The following CACNA2D1 variants were observed in gnomAD, a reference collection of about 807,000 sequenced individuals.
The protein encoded by CACNA2D1 is calcium voltage-gated channel auxiliary subunit alpha2delta 1.
A neutral mutation model predicts 171.5 loss-of-function variants in CACNA2D1; 53 were observed. The observed-to-expected ratio is 0.31, with a 90% CI of 0.25 to 0.39. The LOEUF (loss-of-function observed/expected upper bound fraction) is 0.39, where lower values mean the gene tolerates loss of function less well. Among genes scored for constraint, CACNA2D1 ranks in the 10% least tolerant of loss-of-function variants. The pLI is 1.00. For synonymous variants in CACNA2D1, 442 were observed against 443.1 expected (o/e 1.00, Z 0.03); for missense variants, 903 against 1,299.8 (o/e 0.69, Z 4.69).
At chr7:82,088,054 T>C (rs936581947) in intron 6 of CACNA2D1, among the ~76,000 whole-genome samples, 15 of 152,170 alleles carry the variant, frequency 9.9e-5, no homozygotes, top group East Asian at 1.9e-4. Context: ...TCTCTCTAAA[T>C]ATGTGGGTAG....
chr7:81,953,198 G>C (rs1351906118), intron 38 of CACNA2D1, among the ~76,000 whole-genome samples: 2 of 152,094 alleles, frequency 1.3e-5, no homozygotes, highest in Non-Finnish European at 2.9e-5. Context: ...TTTTGCAAAA[G>C]CTGTCTCACT....
At chr7:82,264,503 G>A (rs900032391) in intron 3 of CACNA2D1, among the ~76,000 whole-genome samples, 7 of 152,188 alleles carry the variant, frequency 4.6e-5, no homozygotes, top group African/African-American at 1.7e-4. Context: ...TATTGTGAGA[G>A]AGTAAAAGAA....
chr7:82,216,663 A>G (rs1417100506), intron 3 of CACNA2D1, among the ~76,000 whole-genome samples: 1 of 152,112 alleles, frequency 6.6e-6, no homozygotes, highest in Non-Finnish European at 1.5e-5. Flanking sequence ...GTTTGCTCCT[A>G]AGAAGGGTTC....
intron 1 of CACNA2D1, among the ~76,000 whole-genome samples, chr7:82,377,719 C>T (rs1307357348): frequency 6.6e-6 from 1 of 152,110 alleles, no homozygotes; most frequent in Non-Finnish European, 1.5e-5. Context: ...CATAAGGCCT[C>T]GACTGAAACG....
intron 1 of CACNA2D1, among the ~76,000 whole-genome samples, chr7:82,379,380 C>T (rs1823425808): frequency 6.6e-6 from 1 of 152,146 alleles, no homozygotes; most frequent in African/African-American, 2.4e-5. Flanking sequence ...CTTGATAAAT[C>T]ATAGAAGCAT....
chr7:82,007,313 G>T (rs1040025229), intron 16 of CACNA2D1, among the ~76,000 whole-genome samples: 3 of 152,088 alleles, frequency 2.0e-5, no homozygotes, highest in African/African-American at 7.2e-5. Flanking sequence ...TACAAACATC[G>T]CCATGCTTTT....
chr7:82,412,579 G>A (rs1226962490), intron 1 of CACNA2D1, among the ~76,000 whole-genome samples: 1 of 151,862 alleles, frequency 6.6e-6, no homozygotes, highest in Non-Finnish European at 1.5e-5. Context: ...CACTGTGCCC[G>A]GCCTAGTGCT....
At chr7:82,421,772 T>C (rs913455653) in intron 1 of CACNA2D1, among the ~76,000 whole-genome samples, 6 of 152,118 alleles carry the variant, frequency 3.9e-5, no homozygotes, top group Non-Finnish European at 5.9e-5. Context: ...ATTCACCATC[T>C]CATTGCAAAT....
At chr7:82,379,079 T>C (rs899315580) in intron 1 of CACNA2D1, among the ~76,000 whole-genome samples, 4 of 151,998 alleles carry the variant, frequency 2.6e-5, no homozygotes, top group East Asian at 3.9e-4. Flanking sequence ...CTCTGTTAAA[T>C]TGTGTTTTTT....
intron 3 of CACNA2D1, among the ~76,000 whole-genome samples, chr7:82,313,320 G>T (rs1375083876): frequency 6.6e-6 from 1 of 150,710 alleles, no homozygotes; most frequent in Non-Finnish European, 1.5e-5. Flanking sequence ...TTTTGAGACG[G>T]CTATTCAGAG....
At chr7:82,135,582 A>G (rs1791512967) in intron 5 of CACNA2D1, among the ~76,000 whole-genome samples, 1 of 152,162 alleles carries the variant, frequency 6.6e-6, no homozygotes, top group African/African-American at 2.4e-5. Context: ...TAAGTTGTGT[A>G]AAGTGGTTAG....
chr7:82,233,979 C>T (rs6467888), intron 3 of CACNA2D1, among the ~76,000 whole-genome samples: 136,838 of 152,068 alleles, frequency 0.9, 61,714 homozygotes, highest in East Asian at 1. Flanking sequence ...TAATTTAAAG[C>T]CTTATCACAA....
chr7:82,269,519 A>G (rs1396461743), intron 3 of CACNA2D1, among the ~76,000 whole-genome samples: 2 of 152,188 alleles, frequency 1.3e-5, no homozygotes, highest in Non-Finnish European at 2.9e-5. Context: ...GAGTCAGAGA[A>G]TATAGATGAG....
At chr7:82,420,312 G>C (rs1176064533) in intron 1 of CACNA2D1, among the ~76,000 whole-genome samples, 1 of 152,162 alleles carries the variant, frequency 6.6e-6, no homozygotes, top group Non-Finnish European at 1.5e-5. Flanking sequence ...TGCTGTGTCT[G>C]AATTTAGGAG....
rs188922070 is a variant in CACNA2D1 at position 82,100,524 on chromosome 7, C to T, written c.527-15624G>A. Among the ~76,000 whole-genome samples, 59 of 152,208 alleles carry T rather than the reference C, an allele frequency of 3.9e-4. 2 individuals carry two copies. The highest frequency in any genetic ancestry group is 3.2e-3 in the Admixed American group (49 of 15,288). On this transcript the variant is annotated intron_variant, in intron 6 of 38. Transcript: ENST00000356860. The stretch of plus-strand genomic sequence containing the variant: ...CCATTTCTAAACAACTTCCTTCTTT[C>T]AATTTGTTCAGAATAAGTTGAAATA...
chr7:82,331,810 C>T (rs926805946), intron 3 of CACNA2D1, among the ~76,000 whole-genome samples: 4 of 152,158 alleles, frequency 2.6e-5, no homozygotes, highest in Admixed American at 2.6e-4. Flanking sequence ...TTACCTGCTT[C>T]CTACATCCAG....
chr7:82,011,728 T>C (rs1799799146), intron 15 of CACNA2D1, among the ~76,000 whole-genome samples: 1 of 152,194 alleles, frequency 6.6e-6, no homozygotes, highest in African/African-American at 2.4e-5. Flanking sequence ...GATCCAGCTA[T>C]AGCTGTGGAG....
intron 3 of CACNA2D1, among the ~76,000 whole-genome samples, chr7:82,186,854 C>T (rs1797835171): frequency 6.6e-6 from 1 of 152,088 alleles, no homozygotes. Flanking sequence ...TGTGGCTTTC[C>T]ACTCATTACA....
intron 5 of CACNA2D1, among the ~76,000 whole-genome samples, chr7:82,120,103 G>A (rs916259318): frequency 1.3e-5 from 2 of 152,148 alleles, no homozygotes; most frequent in African/African-American, 4.8e-5. Flanking sequence ...AGGGCCTTGA[G>A]CCCAGGAGTT....
Sources: gnomAD v4.1 joint callset for allele counts (sites outside exome capture counted in the v4.1 genomes callset) on GRCh38, gnomAD v4.1.1 for gene constraint, MANE v1.5 for transcripts, NCBI Gene and HGNC (gene_info 2026-07-23, HGNC 2026-07-21) for gene names.